Variants in GLRA3 observed in about 807,000 individuals in gnomAD.
GLRA3 encodes the protein glycine receptor alpha 3.
Under a neutral mutation model 60.4 loss-of-function variants are expected in GLRA3, and 44 were observed. That is an observed-to-expected ratio of 0.73 (90% confidence interval 0.57 to 0.94). GLRA3 has a LOEUF of 0.94. Among genes scored for constraint, GLRA3 ranks in the 40% least tolerant of loss-of-function variants. GLRA3 has a pLI of 0.00. For synonymous variants in GLRA3, 223 were observed against 192.9 expected, an observed-to-expected ratio of 1.16 and a Z score of -1.29; for missense variants, 508 against 564.6, an observed-to-expected ratio of 0.90 and a Z score of 1.02.
At chr4:174,709,642 TG>T (rs771709008) in intron 5 of GLRA3, among the ~76,000 whole-genome samples, 7 of 152,098 alleles carry the variant, frequency 4.6e-5, no homozygotes, top group Non-Finnish European at 8.8e-5. Flanking sequence ...GTTGAACTTC[TG>T]GCTTTTATAC....
intron 7 of GLRA3, among the ~76,000 whole-genome samples, chr4:174,662,469 A>G (rs1733487356): frequency 6.6e-6 from 1 of 152,174 alleles, no homozygotes. Context: ...AATTATCTTA[A>G]GGATCAACAC....
intron 3 of GLRA3, 41 bp downstream of exon 3, chr4:174,766,922 A>G (rs1390753103): frequency 3.0e-6 from 3 of 991,276 alleles, no homozygotes. Context: ...GTAATTACAG[A>G]TTACTCTAGT....
rs1741100046 is a variant in GLRA3 at position 174,829,100 on chromosome 4, T to C, written c.-289A>G. ...GCCTAGGTGCTGGGCAACAGTTCTC[T>C]AAAGCTCCAGCAGCAAAGGAAGAAT... On this transcript the variant is annotated 5_prime_UTR_variant, in exon 1 of 10. Transcript: ENST00000274093. The C allele has an allele frequency of 1.0e-5, 3 of 287,634 alleles. No individual in the cohort carries two copies. Among genetic ancestry groups the C allele is most frequent in the Non-Finnish European group, 1.3e-5 (2 of 151,308 alleles). 17.8% of individuals were successfully genotyped at this position (287,634 alleles called of 1,614,324 possible).
intron 1 of GLRA3, among the ~76,000 whole-genome samples, chr4:174,809,361 G>C (rs910543490): frequency 2.0e-5 from 3 of 152,038 alleles, no homozygotes; most frequent in Non-Finnish European, 4.4e-5. Flanking sequence ...ACCTAACAAT[G>C]TATTTCTCAA....
chr4:174,738,870 A>T (rs1736900579), intron 3 of GLRA3, among the ~76,000 whole-genome samples: 1 of 152,196 alleles, frequency 6.6e-6, no homozygotes, highest in Admixed American at 6.5e-5. Context: ...AGCATGCCAC[A>T]TAATATACTG....
At chr4:174,800,042 C>A (rs557046019) in intron 1 of GLRA3, among the ~76,000 whole-genome samples, 15 of 151,896 alleles carry the variant, frequency 9.9e-5, no homozygotes, top group Non-Finnish European at 1.9e-4. Context: ...AACTAAATGG[C>A]AATTCCATAA....
At chr4:174,658,783 TA>T (rs1032709086) in intron 8 of GLRA3, among the ~76,000 whole-genome samples, 1 of 152,202 alleles carries the variant, frequency 6.6e-6, no homozygotes, top group African/African-American at 2.4e-5. Context: ...AATTAAAATT[TA>T]AAAAGTGTTG....
In GLRA3 at chr4:174,640,969, A is replaced by G. The variant is rs1361107397; in HGVS notation, c.*2817T>C. 6.7e-6 allele frequency: 1 copy of G among 148,718 alleles called. No homozygotes were observed. The highest frequency in any genetic ancestry group is 1.5e-5 in the Non-Finnish European group (1 of 66,224). 9.2% of individuals were successfully genotyped at this position (148,718 alleles called of 1,614,324 possible). A position where few individuals can be genotyped will look rare whatever the true frequency, so the allele number is the denominator to read the frequency against. Reference sequence around the variant, plus strand: ...ACTCTTGAATCTATTTAAAGTTGTAAAGTAAGTTCTAGAGCCTCATTATGG... The same window carrying G: ...ACTCTTGAATCTATTTAAAGTTGTAGAGTAAGTTCTAGAGCCTCATTATGG... On this transcript the variant is annotated 3_prime_UTR_variant, in exon 10 of 10. Coordinates refer to ENST00000274093, the MANE Select transcript of GLRA3 (RefSeq NM_006529.4).
chr4:174,802,780 C>G (rs773291150), intron 1 of GLRA3, among the ~76,000 whole-genome samples: 1 of 152,016 alleles, frequency 6.6e-6, no homozygotes, highest in Non-Finnish European at 1.5e-5. Flanking sequence ...CTTGAGTCAT[C>G]AAAATCATAG....
chr4:174,693,051 G>A (rs1329459699), intron 5 of GLRA3, among the ~76,000 whole-genome samples: 3 of 151,880 alleles, frequency 2.0e-5, no homozygotes, highest in Non-Finnish European at 4.4e-5. Context: ...ATAGATGTTG[G>A]GTTTTAGCCT....
At chr4:174,692,190 A>G (rs551449481) in intron 5 of GLRA3, among the ~76,000 whole-genome samples, 62,371 of 148,650 alleles carry the variant, frequency 0.42, 13,613 homozygotes, top group Middle Eastern at 0.53. Flanking sequence ...GAGCGTCTCC[A>G]CCCAGCAGCC....
At chr4:174,814,117 T>C (rs1740383961) in intron 1 of GLRA3, among the ~76,000 whole-genome samples, 2 of 152,182 alleles carry the variant, frequency 1.3e-5, no homozygotes, top group East Asian at 1.9e-4. Context: ...TGTGCTCTTT[T>C]AGCTTTGCTG....
At chr4:174,676,583 T>A (rs1734126441) in intron 7 of GLRA3, among the ~76,000 whole-genome samples, 1 of 152,102 alleles carries the variant, frequency 6.6e-6, no homozygotes, top group Non-Finnish European at 1.5e-5. Flanking sequence ...AAAATATGTG[T>A]GTTTATAAAT....
intron 5 of GLRA3, among the ~76,000 whole-genome samples, chr4:174,702,601 TC>T (rs1487901127): frequency 1.3e-5 from 2 of 152,148 alleles, no homozygotes; most frequent in African/African-American, 2.4e-5. Flanking sequence ...AGAGTCTTGC[TC>T]TGTTGCCCAG....
chr4:174,815,885 C>A lies in GLRA3; in HGVS notation c.71+12856G>T, dbSNP rs191706603. 7.9e-5 allele frequency among the ~76,000 whole-genome samples: 12 copies of A among 152,302 alleles called. No individual in the cohort carries two copies. The East Asian group carries it at 2.1e-3, about 27-fold the overall frequency. ...TCTTGGTGACTAACATTTGGCTTCCCATTACTTATGTAAATTTCTGCAGCC... is the reference window on the plus strand; with the variant it reads ...TCTTGGTGACTAACATTTGGCTTCCAATTACTTATGTAAATTTCTGCAGCC... On this transcript the variant is annotated intron_variant, in intron 1 of 9. Coordinates refer to ENST00000274093, the MANE Select transcript of GLRA3 (RefSeq NM_006529.4).
intron 2 of GLRA3, among the ~76,000 whole-genome samples, chr4:174,787,398 T>G (rs528135766): frequency 6.6e-6 from 1 of 152,136 alleles, no homozygotes; most frequent in East Asian, 1.9e-4. Context: ...GAAGATCAAC[T>G]ACTAATTAGT....
chr4:174,822,708 T>C (rs1302954679), intron 1 of GLRA3, among the ~76,000 whole-genome samples: 4 of 152,188 alleles, frequency 2.6e-5, no homozygotes, highest in Non-Finnish European at 4.4e-5. Flanking sequence ...TAATTCCTGA[T>C]TGGTTATGGC....
intron 1 of GLRA3, among the ~76,000 whole-genome samples, chr4:174,805,879 T>C (rs1740030479): frequency 6.6e-6 from 1 of 152,144 alleles, no homozygotes; most frequent in Non-Finnish European, 1.5e-5. Flanking sequence ...ACAAAGGCAG[T>C]GATTCTTCAA....
At chr4:174,704,021 ACGGTGGC>A (rs1300908273) in intron 5 of GLRA3, among the ~76,000 whole-genome samples, 18 of 103,424 alleles carry the variant, frequency 1.7e-4, no homozygotes, top group Admixed American at 6.2e-4. Flanking sequence ...GAGGCTGGGC[ACGGTGGC>A]ACAGGCATGT....
Sources: gnomAD v4.1 joint callset for allele counts (sites outside exome capture counted in the v4.1 genomes callset) on GRCh38, gnomAD v4.1.1 for gene constraint, MANE v1.5 for transcripts, NCBI Gene and HGNC (gene_info 2026-07-23, HGNC 2026-07-21) for gene names.